Variants in PMM2 observed in about 807,000 individuals in gnomAD.
PMM2 encodes the protein phosphomannomutase 2.
Under a neutral mutation model 33.2 loss-of-function variants are expected in PMM2, and 35 were observed. That is an observed-to-expected ratio of 1.06 (90% CI 0.81 to 1.40). The LOEUF (loss-of-function observed/expected upper bound fraction) is 1.40. Ranked by LOEUF, PMM2 falls within the 40% of genes most tolerant of loss-of-function variation. The pLI, the probability that PMM2 is intolerant of heterozygous loss-of-function variation, is 0.00. For missense variants in PMM2, 386 were observed against 306.0 expected (o/e 1.26, Z -1.95); for synonymous variants, 153 against 114.7 (o/e 1.33, Z -2.13).
chr16:8,813,203 C>T, intron 7 of PMM2, 97 bp downstream of exon 7: 1 of 824,256 alleles, frequency 1.2e-6, no homozygotes, highest in Admixed American at 1.8e-5. Context: ...ACACTTTACC[C>T]ACCCGCCCTG....
At chr16:8,808,965 G>C (rs896169157) in intron 4 of PMM2, 5 of 152,218 alleles carry the variant, frequency 3.3e-5, no homozygotes, top group African/African-American at 1.2e-4. Context: ...GGATCCAGAC[G>C]ATTGAGATTT....
chr16:8,837,556 A>T (rs982271422), intron 7 of PMM2, among the ~76,000 whole-genome samples: 2 of 151,294 alleles, frequency 1.3e-5, no homozygotes, highest in African/African-American at 4.9e-5. Context: ...AGAAAAGCAG[A>T]GAAGGGGTTG....
At chr16:8,813,272 C>CT (rs2060688292) in intron 7 of PMM2, among the ~76,000 whole-genome samples, 166 bp downstream of exon 7, 1 of 152,170 alleles carries the variant, frequency 6.6e-6, no homozygotes, top group Non-Finnish European at 1.5e-5. Flanking sequence ...ACCTTCCCCT[C>CT]TAAGCTCAGA....
At chr16:8,834,492 G>C (rs4344743) in intron 7 of PMM2, among the ~76,000 whole-genome samples, 92,064 of 148,384 alleles carry the variant, frequency 0.62, 28,185 homozygotes, top group East Asian at 0.69. Flanking sequence ...TCTACTTAGA[G>C]TAAGAGGTAT....
At chr16:8,802,466 T>C (rs762059839) in intron 2 of PMM2, 139 of 347,886 alleles carry the variant, frequency 4.0e-4, no homozygotes, top group Non-Finnish European at 6.8e-4. Flanking sequence ...TATCCGATTA[T>C]ATGTTTTTGA....
At chr16:8,811,255 C>A in intron 5 of PMM2, 77 bp downstream of exon 5, 1 of 995,424 alleles carries the variant, frequency 1.0e-6, no homozygotes, top group Non-Finnish European at 1.5e-6. Flanking sequence ...GTGGTTCATG[C>A]CTGTAATCCC....
intron 7 of PMM2, among the ~76,000 whole-genome samples, chr16:8,822,958 A>G (rs960060391): frequency 6.6e-6 from 1 of 152,194 alleles, no homozygotes; most frequent in Non-Finnish European, 1.5e-5. Context: ...CCAGGTAAAT[A>G]GCTCCAAGAA....
chr16:8,840,187 G>T (rs1224781979), intron 7 of PMM2, among the ~76,000 whole-genome samples: 1 of 151,810 alleles, frequency 6.6e-6, no homozygotes, highest in African/African-American at 2.4e-5. Context: ...GGTGGAGATA[G>T]CTGGGGAGAG....
chr16:8,832,220 G>A, intron 7 of PMM2: 2 of 985,414 alleles, frequency 2.0e-6, no homozygotes, highest in South Asian at 9.4e-5. Context: ...CAGACCCTTG[G>A]CGGGAGAGAA....
At chr16:8,817,756 G>T (rs1403071541) in intron 7 of PMM2, among the ~76,000 whole-genome samples, 1 of 152,148 alleles carries the variant, frequency 6.6e-6, no homozygotes, top group East Asian at 1.9e-4. Flanking sequence ...AGAAGAAAAA[G>T]AAAGTCACCT....
intron 7 of PMM2, 113 bp from the exon 8 acceptor site, chr16:8,847,611 C>T (rs985312374): frequency 1.3e-6 from 1 of 773,708 alleles, no homozygotes. Flanking sequence ...TGAAGAAACT[C>T]TCCCTGCCCA....
At chr16:8,817,301 A>T (rs2060713745) in intron 7 of PMM2, among the ~76,000 whole-genome samples, 1 of 152,254 alleles carries the variant, frequency 6.6e-6, no homozygotes, top group South Asian at 2.1e-4. Flanking sequence ...TTTGAAAAAG[A>T]TCACCGTCTG....
intron 3 of PMM2, among the ~76,000 whole-genome samples, chr16:8,805,721 G>T (rs1246137449): frequency 6.6e-6 from 1 of 151,752 alleles, no homozygotes; most frequent in Non-Finnish European, 1.5e-5. Context: ...GCCTCCCTAG[G>T]TGGGATTACA....
chr16:8,814,242 T>C (rs1731320325), intron 7 of PMM2, among the ~76,000 whole-genome samples: 1 of 152,086 alleles, frequency 6.6e-6, no homozygotes, highest in Non-Finnish European at 1.5e-5. Flanking sequence ...TCCACCCACC[T>C]CGGCCTCTCA....
At chr16:8,836,510 C>T (rs1296423676) in intron 7 of PMM2, among the ~76,000 whole-genome samples, 2 of 151,958 alleles carry the variant, frequency 1.3e-5, no homozygotes, top group African/African-American at 2.4e-5. Flanking sequence ...TGGAGGAACG[C>T]CTGGCTGCTG....
chr16:8,842,340 A>AG (rs1380496709), intron 7 of PMM2: 12 of 152,236 alleles, frequency 7.9e-5, no homozygotes, highest in African/African-American at 2.9e-4. Flanking sequence ...GATTCAAAGG[A>AG]GGGGCTACAA....
chr16:8,847,801 G>A lies in PMM2; in HGVS notation c.717G>A (p.Arg239=). Reference sequence around the variant, plus strand: ...TGACAGCGCCTGAGGACACGCGCAGGATCTGTGAACTGCTGTTCTCCTAAC... The same window carrying A: ...TGACAGCGCCTGAGGACACGCGCAGAATCTGTGAACTGCTGTTCTCCTAAC... ...YSVTAPEDTR[R]ICELLFS Residue 239 remains arginine (R), a synonymous_variant, in exon 8 of 8, where the codon AGG becomes AGA. Coordinates refer to ENST00000268261, the MANE Select transcript of PMM2 (RefSeq NM_000303.3). 6.2e-7 allele frequency: 1 copy of A among 1,613,640 alleles called. No homozygotes were observed. The highest frequency in any genetic ancestry group is 1.1e-5 in the South Asian group (1 of 91,078).
intron 7 of PMM2, among the ~76,000 whole-genome samples, chr16:8,837,505 G>A (rs1296827065): frequency 6.6e-6 from 1 of 151,764 alleles, no homozygotes. Context: ...CCAGAGAAAA[G>A]AGTAGAGACA....
At chr16:8,809,336 T>C (rs1316933800) in intron 4 of PMM2, 3 of 152,384 alleles carry the variant, frequency 2.0e-5, no homozygotes, top group East Asian at 1.9e-4. Context: ...CACTTTTCAC[T>C]GCATAGTTTG....
Sources: allele counts gnomAD v4.1 joint callset (sites outside exome capture counted in the v4.1 genomes callset), GRCh38; gene constraint gnomAD v4.1.1; transcripts MANE v1.5; gene names NCBI Gene and HGNC (gene_info 2026-07-23, HGNC 2026-07-21).